Variants in RBFOX1 observed in about 807,000 individuals in gnomAD.
RBFOX1 encodes RNA binding fox-1 homolog 1, also known as RNA binding protein fox-1 homolog 1.
RBFOX1 carries 8 observed loss-of-function variants against 57.7 expected under a neutral mutation model. The ratio of observed to expected loss-of-function variants is 0.14; its 90% CI spans 0.08 to 0.25. The LOEUF is 0.25. Ranked by LOEUF, RBFOX1 falls within the 10% of genes least tolerant of loss-of-function variation. The pLI, the probability that RBFOX1 is intolerant of heterozygous loss-of-function variation, is 1.00. For missense variants in RBFOX1, 611 were observed against 548.5 expected, an observed-to-expected ratio of 1.11 and a Z score of -1.14; for synonymous variants, 326 against 222.4, an observed-to-expected ratio of 1.47 and a Z score of -4.15.
chr16:7,539,314 G>T (rs1231131468), intron 5 of RBFOX1, among the ~76,000 whole-genome samples: 1 of 152,162 alleles, frequency 6.6e-6, no homozygotes, highest in Non-Finnish European at 1.5e-5. Context: ...AGTCCAGCAA[G>T]AGAAGACAGT....
At chr16:6,488,553 G>C (rs2095556717) in intron 2 of RBFOX1, among the ~76,000 whole-genome samples, 1 of 152,086 alleles carries the variant, frequency 6.6e-6, no homozygotes, top group South Asian at 2.1e-4. Flanking sequence ...CAATTTTCAA[G>C]ACTTTTTATA....
In RBFOX1 at chr16:6,765,202, G is replaced by A. The variant is rs148280500; in HGVS notation, c.-16+110552G>A. Among the ~76,000 whole-genome samples the A allele has an allele frequency of 5.5e-3, 831 of 152,112 alleles. 4 individuals carry two copies. The highest frequency in any genetic ancestry group is 8.0e-3 in the Non-Finnish European group (541 of 67,998). ...TGCAGCACGTGGTAAGGGAGGGGGTGGACTAAAGGCTGGAGGAACAGAATG... is the reference window on the plus strand; with the variant it reads ...TGCAGCACGTGGTAAGGGAGGGGGTAGACTAAAGGCTGGAGGAACAGAATG... On this transcript the variant is annotated intron_variant, in intron 3 of 15. Transcript: ENST00000550418.
At chr16:5,517,875 G>A (rs1207780805) in intron 2 of RBFOX1, among the ~76,000 whole-genome samples, 1 of 151,120 alleles carries the variant, frequency 6.6e-6, no homozygotes, top group Non-Finnish European at 1.5e-5. Flanking sequence ...TACATATACT[G>A]GCTTTTACAC....
At chr16:7,166,972 C>CTTGTTTTTTTTTTTTT (rs2079652043) in intron 4 of RBFOX1, among the ~76,000 whole-genome samples, 2 of 49,098 alleles carry the variant, frequency 4.1e-5, no homozygotes, top group Non-Finnish European at 6.8e-5. Flanking sequence ...CATTGGTGTT[C>CTTGTTTTTTTTTTTTT]TTTTTTTTTT....
chr16:7,520,282 A>G (rs1212439505), intron 5 of RBFOX1, among the ~76,000 whole-genome samples: 1 of 152,178 alleles, frequency 6.6e-6, no homozygotes, highest in Non-Finnish European at 1.5e-5. Context: ...ATATAACATA[A>G]AACTTAACCA....
intron 2 of RBFOX1, among the ~76,000 whole-genome samples, chr16:6,603,640 G>A (rs2097885017): frequency 6.6e-6 from 1 of 152,154 alleles, no homozygotes; most frequent in Non-Finnish European, 1.5e-5. Flanking sequence ...TGTGCAGCTG[G>A]GGGTTATGCA....
At chr16:6,510,071 G>C (rs1447067308) in intron 2 of RBFOX1, among the ~76,000 whole-genome samples, 6 of 152,072 alleles carry the variant, frequency 3.9e-5, no homozygotes, top group Non-Finnish European at 7.4e-5. Context: ...GTCTTCCTAG[G>C]GATGCTTATA....
chr16:6,603,358 C>G (rs1374490473), intron 2 of RBFOX1, among the ~76,000 whole-genome samples: 1 of 152,164 alleles, frequency 6.6e-6, no homozygotes, highest in Non-Finnish European at 1.5e-5. Flanking sequence ...ATGTATACAA[C>G]TAAAGGATTT....
intron 2 of RBFOX1, among the ~76,000 whole-genome samples, chr16:6,607,131 C>A (rs1288217531): frequency 6.6e-6 from 1 of 152,156 alleles, no homozygotes; most frequent in Non-Finnish European, 1.5e-5. Flanking sequence ...TGGAAGTCAG[C>A]ACTCTGCATT....
chr16:7,303,752 T>A (rs1315971935), intron 4 of RBFOX1, among the ~76,000 whole-genome samples: 1 of 146,924 alleles, frequency 6.8e-6, no homozygotes, highest in Non-Finnish European at 1.5e-5. Context: ...CTCTTTACCC[T>A]CCCTCTCGCT....
chr16:7,370,806 C>T (rs561433446), intron 4 of RBFOX1, among the ~76,000 whole-genome samples: 1 of 152,238 alleles, frequency 6.6e-6, no homozygotes, highest in South Asian at 2.1e-4. Context: ...TTGCTAATTG[C>T]AGGACTGTTG....
intron 4 of RBFOX1, among the ~76,000 whole-genome samples, chr16:5,995,904 G>A (rs1423348373): frequency 2.0e-5 from 3 of 152,188 alleles, no homozygotes; most frequent in Non-Finnish European, 4.4e-5. Context: ...CAGTTCTGAG[G>A]GCTGGGAAGT....
intron 3 of RBFOX1, among the ~76,000 whole-genome samples, chr16:6,811,816 G>C (rs769365356): frequency 6.6e-6 from 1 of 152,192 alleles, no homozygotes; most frequent in East Asian, 1.9e-4. Flanking sequence ...TTGAACCTGG[G>C]AGGCAGAGGT....
In RBFOX1 at chr16:7,057,501, T is replaced by C. The variant is rs76370285; in HGVS notation, c.27+5403T>C. ...TCTAGCCCCTAAGATGTATGTTGCA[T>C]CGCTTTCCACCGGTATAGGGACTAA... is the stretch of plus-strand genomic sequence containing the variant. On this transcript the variant is annotated intron_variant, in intron 4 of 15. Coordinates refer to ENST00000550418, the MANE Select transcript of RBFOX1 (RefSeq NM_018723.4). 5.0e-3 allele frequency among the ~76,000 whole-genome samples: 766 copies of C among 152,288 alleles called. 10 individuals are homozygous for C. Among genetic ancestry groups the C allele is most frequent in the African/African-American group, 0.018 (732 of 41,562 alleles).
chr16:6,574,638 C>T (rs1035116733), intron 2 of RBFOX1, among the ~76,000 whole-genome samples: 4 of 147,384 alleles, frequency 2.7e-5, no homozygotes, highest in Admixed American at 6.7e-5. Flanking sequence ...CCGTTTTAGC[C>T]GGGATGGTCT....
At chr16:5,294,532 C>G (rs763529546) in intron 1 of RBFOX1, among the ~76,000 whole-genome samples, 34 of 152,162 alleles carry the variant, frequency 2.2e-4, no homozygotes, top group Non-Finnish European at 3.7e-4. Flanking sequence ...ACTGGGATCC[C>G]TCGTAACCAG....
Position 5,989,075 on chromosome 16 carries a change from C to G in RBFOX1, c.351+121740C>G, listed in dbSNP as rs1367224422. On this transcript the variant is annotated intron_variant, in intron 4 of 19. Transcript: ENST00000641259. ...GTGGCTCACGCCTGTAATCCCAGCA[C>G]TTTGGGAGGCCGAGGCGGGTGGATC... is the stretch of plus-strand genomic sequence containing the variant. Among the ~76,000 whole-genome samples, 3 of 151,646 alleles carry G rather than the reference C, an allele frequency of 2.0e-5. No homozygotes were observed. The East Asian group carries it at 5.9e-4, about 30-fold the overall frequency.
At chr16:7,630,314 C>T (rs2060742582) in intron 10 of RBFOX1, among the ~76,000 whole-genome samples, 1 of 152,014 alleles carries the variant, frequency 6.6e-6, no homozygotes, top group African/African-American at 2.4e-5. Context: ...GTATGCCACG[C>T]TGCTTCCATT....
intron 4 of RBFOX1, among the ~76,000 whole-genome samples, chr16:5,964,695 A>G (rs2059810556): frequency 6.6e-6 from 1 of 152,190 alleles, no homozygotes; most frequent in Non-Finnish European, 1.5e-5. Context: ...GTGTATATAT[A>G]TGTACATATA....
Sources: gnomAD v4.1 joint callset for allele counts (sites outside exome capture counted in the v4.1 genomes callset) on GRCh38, gnomAD v4.1.1 for gene constraint, MANE v1.5 for transcripts, NCBI Gene and HGNC (gene_info 2026-07-23, HGNC 2026-07-21) for gene names.